Variants in DDX60L observed in about 807,000 individuals in gnomAD.
DDX60L encodes the protein probable ATP-dependent RNA helicase DDX60-like.
A neutral mutation model predicts 211.6 loss-of-function variants in DDX60L; 191 were observed. The ratio of observed to expected loss-of-function variants is 0.90; its 90% CI spans 0.80 to 1.02. The LOEUF (loss-of-function observed/expected upper bound fraction) is 1.02. Among genes scored for constraint, DDX60L ranks in the 50% least tolerant of loss-of-function variants. DDX60L has a pLI of 0.00. For synonymous variants in DDX60L, 706 were observed against 694.1 expected (o/e 1.02, Z -0.27); for missense variants, 2,007 against 1,984.1 (o/e 1.01, Z -0.22).
chr4:168,423,576 A>T, intron 15 of DDX60L, 32 bp downstream of exon 15: 2 of 1,478,660 alleles, frequency 1.4e-6, no homozygotes, highest in Non-Finnish European at 9.1e-7. Flanking sequence ...TTGAGTAAAA[A>T]TTTAAAGTAT....
At chr4:168,378,183 G>T (rs1197052187) in intron 33 of DDX60L, among the ~76,000 whole-genome samples, 171 bp downstream of exon 33, 1 of 152,066 alleles carries the variant, frequency 6.6e-6, no homozygotes, top group Non-Finnish European at 1.5e-5. Context: ...GATTAGCAGG[G>T]GAAGATGTTT....
intron 33 of DDX60L, among the ~76,000 whole-genome samples, chr4:168,376,487 C>T (rs1234850046): frequency 6.6e-6 from 1 of 152,156 alleles, no homozygotes; most frequent in East Asian, 1.9e-4. Flanking sequence ...GGGATTCTTA[C>T]AAAAGGCAAC....
At chr4:168,469,310 A>C (rs1036421382) in intron 4 of DDX60L, 7 of 152,228 alleles carry the variant, frequency 4.6e-5, no homozygotes, top group African/African-American at 1.7e-4. Flanking sequence ...TGGTGGAAGA[A>C]AAATGTTCTC....
At chr4:168,364,039 G>A (rs1317721721) in intron 36 of DDX60L, among the ~76,000 whole-genome samples, 4 of 152,172 alleles carry the variant, frequency 2.6e-5, no homozygotes, top group Admixed American at 2.6e-4. Flanking sequence ...AGGACTGAAT[G>A]AACCCAGGAG....
intron 37 of DDX60L, among the ~76,000 whole-genome samples, chr4:168,359,593 C>T (rs1738755870): frequency 6.6e-6 from 1 of 152,186 alleles, no homozygotes; most frequent in Non-Finnish European, 1.5e-5. Flanking sequence ...TCCCTGCTTT[C>T]AGTTTCTCTA....
intron 9 of DDX60L, among the ~76,000 whole-genome samples, chr4:168,442,569 G>C (rs965117133): frequency 6.6e-6 from 1 of 152,134 alleles, no homozygotes; most frequent in African/African-American, 2.4e-5. Context: ...CCACCTCTGG[G>C]GGCAGGGCAC....
chr4:168,441,957 T>C (rs990958191), intron 9 of DDX60L, among the ~76,000 whole-genome samples: 1 of 152,158 alleles, frequency 6.6e-6, no homozygotes, highest in Non-Finnish European at 1.5e-5. Context: ...AAAACTAATT[T>C]CAAAACAAGT....
Position 168,453,249 on chromosome 4 carries a change from C to T in DDX60L, c.871G>A (p.Glu291Lys). The change falls in exon 8 of 38, where the codon GAA becomes AAA. Residue 291 changes from glutamate to lysine, a missense_variant. Physicochemically the swap from Glu to Lys is moderately conservative, Grantham distance 56 (BLOSUM62 1). Coordinates refer to ENST00000682922, the MANE Select transcript of DDX60L (RefSeq NM_001012967.3). Reference sequence around the variant, plus strand: ...AGGCAACGCAGTCTGCAGAAATCTTCCACCTCCTGCAGGGATAGGCAATTA... The same window carrying T: ...AGGCAACGCAGTCTGCAGAAATCTTTCACCTCCTGCAGGGATAGGCAATTA... ...HSNCLSLQEV[E>K]DFCRLRCLCV... 1 of 1,612,584 alleles carries T rather than the reference C, an allele frequency of 6.2e-7. No homozygotes were observed. Among genetic ancestry groups the T allele is most frequent in the Non-Finnish European group, 8.5e-7 (1 of 1,179,148 alleles).
intron 6 of DDX60L, among the ~76,000 whole-genome samples, chr4:168,457,102 G>C (rs1444960331): frequency 1.3e-5 from 2 of 151,828 alleles, no homozygotes; most frequent in Non-Finnish European, 2.9e-5. Flanking sequence ...TGTGGGTCCA[G>C]CTACTCAGGA....
rs771872170 is a variant in DDX60L at position 168,373,726 on chromosome 4, T to G, written c.4716A>C (p.Pro1572=). The change falls in exon 35 of 38, where the codon CCA becomes CCC. Residue 1572 remains proline, a synonymous_variant. Transcript: ENST00000682922. The part of the protein sequence containing the change: ...SCKKGRVAIS[P]FVCLSGNTDN... ...CTGTGTTCCCCGAAAGACAAACAAA[T>G]GGTGAAATGGCTACTCTTCCTTTCT... 6.2e-7 allele frequency: 1 copy of G among 1,614,052 alleles called. No homozygotes were observed. Among genetic ancestry groups the G allele is most frequent in the Non-Finnish European group, 8.5e-7 (1 of 1,179,924 alleles).
intron 29 of DDX60L, among the ~76,000 whole-genome samples, chr4:168,391,207 A>T (rs1744746630): frequency 6.6e-6 from 1 of 152,206 alleles, no homozygotes; most frequent in Non-Finnish European, 1.5e-5. Context: ...ACCATTTTAC[A>T]TACTCCCGGA....
chr4:168,394,068 G>A (rs890749143), intron 28 of DDX60L, among the ~76,000 whole-genome samples: 6 of 152,014 alleles, frequency 3.9e-5, no homozygotes, highest in Non-Finnish European at 7.4e-5. Context: ...GATGGTGCGC[G>A]CTTGTAATCC....
Position 168,373,672 on chromosome 4 carries a change from G to T in DDX60L, c.4770C>A (p.Ile1590=). The T allele has an allele frequency of 6.2e-7, 1 of 1,613,450 alleles. No homozygotes were observed. The highest frequency in any genetic ancestry group is 2.2e-5 in the East Asian group (1 of 44,862). Reference sequence around the variant, plus strand: ...AGATGTATCCTTCACTTACCTGGTTGATAGTCTCTGGTCGAAGCAAATCAT... The same window carrying T: ...AGATGTATCCTTCACTTACCTGGTTTATAGTCTCTGGTCGAAGCAAATCAT... ...TDNDLLRPET[I]NQVILRTVGV... The change falls in exon 35 of 38, where the codon ATC becomes ATA. Residue 1590 remains isoleucine (I), a synonymous_variant. Coordinates refer to ENST00000682922, the MANE Select transcript of DDX60L (RefSeq NM_001012967.3).
chr4:168,362,050 G>A (rs975020061), intron 36 of DDX60L, among the ~76,000 whole-genome samples: 3 of 152,228 alleles, frequency 2.0e-5, no homozygotes, highest in African/African-American at 7.2e-5. Flanking sequence ...GAAAACCACT[G>A]AACAGGTGGC....
Position 168,435,822 on chromosome 4 carries a change from A to C in DDX60L, c.1295-2707T>G, listed in dbSNP as rs558476995. Among the ~76,000 whole-genome samples, 3 of 152,306 alleles carry C rather than the reference A, an allele frequency of 2.0e-5. No homozygotes were observed. The South Asian group carries it at 6.2e-4, about 32-fold the overall frequency. On this transcript the variant is annotated intron_variant, in intron 10 of 37. Transcript: ENST00000682922. ...ATTACGCTGCTCGGATCTAGTGAAT[A>C]AGAAGTAGACACTACTTGACATACC... is the stretch of plus-strand genomic sequence containing the variant.
At chr4:168,438,462 T>A (rs1753374977) in intron 10 of DDX60L, among the ~76,000 whole-genome samples, 1 of 152,156 alleles carries the variant, frequency 6.6e-6, no homozygotes, top group Non-Finnish European at 1.5e-5. Context: ...CTTTAAAATA[T>A]TTTGTGTTTT....
intron 7 of DDX60L, among the ~76,000 whole-genome samples, chr4:168,454,850 T>C (rs1294033596): frequency 6.8e-6 from 1 of 147,368 alleles, no homozygotes; most frequent in African/African-American, 2.5e-5. Context: ...TTTGGGGAGT[T>C]TGGTTCCAGA....
intron 9 of DDX60L, among the ~76,000 whole-genome samples, chr4:168,442,874 T>A (rs1754156133): frequency 6.6e-6 from 1 of 151,496 alleles, no homozygotes; most frequent in Non-Finnish European, 1.5e-5. Context: ...AAAACCCATC[T>A]GTACATCACC....
chr4:168,373,595 G>A (rs945089881), intron 35 of DDX60L, 71 bp downstream of exon 35: 29 of 1,485,580 alleles, frequency 2.0e-5, no homozygotes, highest in Non-Finnish European at 2.4e-5. Context: ...GTCCTATCAA[G>A]GCTTCACAGC....
Sources: allele counts gnomAD v4.1 joint callset (sites outside exome capture counted in the v4.1 genomes callset), GRCh38; gene constraint gnomAD v4.1.1; transcripts MANE v1.5; gene names NCBI Gene and HGNC (gene_info 2026-07-23, HGNC 2026-07-21).